The following CORO1C variants were observed in gnomAD, a reference collection of about 807,000 sequenced individuals.
CORO1C encodes the protein coronin 1C.
In CORO1C, 14 loss-of-function variants were observed where a neutral mutation model predicts 51.2. That is an observed-to-expected ratio of 0.27 (90% CI 0.18 to 0.43). The LOEUF (loss-of-function observed/expected upper bound fraction) is 0.43, where lower values mean the gene tolerates loss of function less well. Ranked by LOEUF, CORO1C falls within the 20% of genes least tolerant of loss-of-function variation. The pLI, the probability that CORO1C is intolerant of heterozygous loss-of-function variation, is 1.00. For synonymous variants in CORO1C, 181 were observed against 210.5 expected (o/e 0.86, Z 1.21); for missense variants, 417 against 607.8 (o/e 0.69, Z 3.30).
chr12:108,659,980 G>A (rs544567086), intron 4 of CORO1C, among the ~76,000 whole-genome samples: 17 of 152,286 alleles, frequency 1.1e-4, no homozygotes, highest in African/African-American at 3.4e-4. Context: ...TCTGCCCCAC[G>A]CCTCCAGGCC....
At position 108,652,429 on chromosome 12, in the gene CORO1C, C is replaced by G; in HGVS notation, c.856-12G>C. The G allele has an allele frequency of 6.2e-7, 1 of 1,610,908 alleles. No individual in the cohort carries two copies. The highest frequency in any genetic ancestry group is 8.5e-7 in the Non-Finnish European group (1 of 1,177,348). ...ATACTGCTGTCACCCTGTAAGAAAC[C>G]AGAGACAAGTCTGTGTCTGATTGTT... On this transcript the variant is annotated splice_polypyrimidine_tract_variant and intron_variant, in intron 7 of 10. Coordinates refer to ENST00000261401, the MANE Select transcript of CORO1C (RefSeq NM_014325.4).
At chr12:108,712,865 C>T (rs1366229837) in intron 1 of CORO1C, among the ~76,000 whole-genome samples, 1 of 141,660 alleles carries the variant, frequency 7.1e-6, no homozygotes, top group East Asian at 2.1e-4. Context: ...TTTGAGGCTG[C>T]AGTATGCTAT....
At chr12:108,695,809 T>C (rs2034654487) in intron 2 of CORO1C, among the ~76,000 whole-genome samples, 1 of 139,966 alleles carries the variant, frequency 7.1e-6, no homozygotes, top group Non-Finnish European at 1.5e-5. Context: ...CTCTTAATCC[T>C]ATGCATCTAG....
intron 1 of CORO1C, among the ~76,000 whole-genome samples, chr12:108,725,995 C>T (rs570739366): frequency 3.9e-5 from 6 of 152,072 alleles, no homozygotes; most frequent in Non-Finnish European, 7.4e-5. Flanking sequence ...TGCCACCACA[C>T]CCGGCTAATT....
At chr12:108,725,984 G>A (rs186124810) in intron 1 of CORO1C, among the ~76,000 whole-genome samples, 7 of 151,918 alleles carry the variant, frequency 4.6e-5, no homozygotes, top group South Asian at 2.1e-4. Flanking sequence ...CTACAGGCGC[G>A]TGCCACCACA....
intron 1 of CORO1C, among the ~76,000 whole-genome samples, chr12:108,713,540 A>C (rs2035242616): frequency 6.6e-6 from 1 of 152,226 alleles, no homozygotes. Context: ...AGTTTCTAAG[A>C]ATAAAGAGAA....
chr12:108,655,467 T>G (rs1188708147), intron 6 of CORO1C, among the ~76,000 whole-genome samples: 1 of 146,802 alleles, frequency 6.8e-6, no homozygotes, highest in Non-Finnish European at 1.5e-5. Context: ...CTCGACTCAC[T>G]GCAACCTCCC....
chr12:108,651,328 A>C (rs1033076997), intron 8 of CORO1C, among the ~76,000 whole-genome samples: 3 of 152,218 alleles, frequency 2.0e-5, no homozygotes, highest in Non-Finnish European at 4.4e-5. Context: ...TGAAATGGCC[A>C]GTGGTCACTG....
intron 8 of CORO1C, chr12:108,652,056 T>TTTTTC (rs2032692307): frequency 1.1e-5 from 1 of 92,680 alleles, no homozygotes; most frequent in Non-Finnish European, 1.9e-5. Flanking sequence ...TTTTCTTTTC[T>TTTTTC]TTTTTTTTTT....
chr12:108,685,491 C>T (rs2034263214), intron 2 of CORO1C, among the ~76,000 whole-genome samples: 1 of 151,906 alleles, frequency 6.6e-6, no homozygotes, highest in Non-Finnish European at 1.5e-5. Flanking sequence ...AATCTTATCA[C>T]CCTATTTTCC....
chr12:108,729,857 T>C (rs2035675543), intron 1 of CORO1C, among the ~76,000 whole-genome samples: 1 of 152,220 alleles, frequency 6.6e-6, no homozygotes, highest in African/African-American at 2.4e-5. Flanking sequence ...AAGCAACTGC[T>C]TATACTTAAT....
intron 3 of CORO1C, chr12:108,668,438 C>G (rs1366717828): frequency 6.6e-6 from 1 of 152,190 alleles, no homozygotes; most frequent in Admixed American, 6.5e-5. Flanking sequence ...AGGGCAAAAA[C>G]TATATTAGAA....
chr12:108,659,552 A>T (rs1307033597), intron 4 of CORO1C, among the ~76,000 whole-genome samples: 25 of 152,234 alleles, frequency 1.6e-4, no homozygotes, highest in Admixed American at 1.4e-3. Context: ...ATTATTTTAC[A>T]TACAGAGATG....
chr12:108,655,264 G>A (rs1375185405), intron 6 of CORO1C, among the ~76,000 whole-genome samples: 1 of 152,072 alleles, frequency 6.6e-6, no homozygotes, highest in African/African-American at 2.4e-5. Context: ...TTAGACAACT[G>A]ATCATATTAT....
intron 1 of CORO1C, among the ~76,000 whole-genome samples, chr12:108,717,782 G>A (rs1266746544): frequency 6.6e-6 from 1 of 152,014 alleles, no homozygotes; most frequent in African/African-American, 2.4e-5. Flanking sequence ...GTAAAACCAT[G>A]GGAAAAATAC....
intron 2 of CORO1C, among the ~76,000 whole-genome samples, chr12:108,693,547 G>A (rs2034568901): frequency 1.3e-5 from 2 of 152,224 alleles, no homozygotes; most frequent in Admixed American, 6.5e-5. Flanking sequence ...CACACTGAAA[G>A]TGAAAGAAAG....
intron 2 of CORO1C, among the ~76,000 whole-genome samples, chr12:108,699,371 C>T (rs2034792680): frequency 6.6e-6 from 1 of 152,228 alleles, no homozygotes; most frequent in South Asian, 2.1e-4. Context: ...TGTCTGAATT[C>T]AGAGGAAGAT....
chr12:108,689,596 G>A (rs576777363), intron 2 of CORO1C, among the ~76,000 whole-genome samples: 46 of 152,212 alleles, frequency 3.0e-4, no homozygotes, highest in Non-Finnish European at 5.1e-4. Flanking sequence ...AGTCCTCTAT[G>A]CCTATTATCC....
Position 108,657,338 on chromosome 12 carries a change from C to A in CORO1C, c.716G>T (p.Arg239Leu). 1 of 1,613,936 alleles carries A rather than the reference C, an allele frequency of 6.2e-7. No homozygotes were observed. The highest frequency in any genetic ancestry group is 1.1e-5 in the South Asian group (1 of 91,060). The change falls in exon 6 of 11, where the codon CGC becomes CTC. Residue 239 changes from arginine (R) to leucine (L), a missense_variant. Physicochemically the swap from Arg to Leu is moderately radical, Grantham distance 102 (BLOSUM62 -2). Coordinates refer to ENST00000261401, the MANE Select transcript of CORO1C (RefSeq NM_014325.4). ...DGNVFTTGFSRMSERQLALWN... is the reference protein window; with the variant it reads ...DGNVFTTGFSLMSERQLALWN... ...GAGAGCCAGCTGCCGCTCGCTCATG[C>A]GGCTGAACCCAGTGGTGAAGACATT...
Sources: gnomAD v4.1 joint callset for allele counts (sites outside exome capture counted in the v4.1 genomes callset) on GRCh38, gnomAD v4.1.1 for gene constraint, MANE v1.5 for transcripts, NCBI Gene and HGNC (gene_info 2026-07-23, HGNC 2026-07-21) for gene names.